Variants in DPY19L4 observed in about 807,000 individuals in gnomAD.
DPY19L4 encodes the protein probable C-mannosyltransferase DPY19L4.
DPY19L4 carries 97 observed loss-of-function variants against 102.8 expected under a neutral mutation model. That is an observed-to-expected ratio of 0.94 (90% CI 0.80 to 1.12). The LOEUF (loss-of-function observed/expected upper bound fraction) is 1.12. DPY19L4 is among the 50% of genes most tolerant of loss of function. DPY19L4 has a pLI of 0.00. For missense variants in DPY19L4, 815 were observed against 850.4 expected, an observed-to-expected ratio of 0.96 and a Z score of 0.52; for synonymous variants, 252 against 283.1, an observed-to-expected ratio of 0.89 and a Z score of 1.10.
At chr8:94,741,842 T>C (rs1464170459) in intron 6 of DPY19L4, among the ~76,000 whole-genome samples, 4 of 152,226 alleles carry the variant, frequency 2.6e-5, no homozygotes, top group Non-Finnish European at 5.9e-5. Context: ...GCAGAAGATT[T>C]GTAAATAGCC....
chr8:94,721,483 A>C (rs757142693), intron 1 of DPY19L4, among the ~76,000 whole-genome samples: 2 of 152,238 alleles, frequency 1.3e-5, no homozygotes, highest in South Asian at 4.1e-4. Context: ...GTTGGTGAGA[A>C]AGAATGTAAT....
At position 94,789,810 on chromosome 8, in the gene DPY19L4, A is replaced by G. The variant is rs74823177; in HGVS notation, c.2072A>G (p.Lys691Arg). 6.2e-7 allele frequency: 1 copy of G among 1,612,340 alleles called. No homozygotes were observed. The highest frequency in any genetic ancestry group is 1.1e-5 in the South Asian group (1 of 90,584). Reference sequence around the variant, plus strand: ...TATGGGCGATTTTGTCATGAGGTCAAAATTAACTATTCTCCATATGTGAAT... The same window carrying G: ...TATGGGCGATTTTGTCATGAGGTCAGAATTAACTATTCTCCATATGTGAAT... The part of the protein sequence containing the change: ...SKYGRFCHEV[K>R]INYSPYVNYF... Residue 691 changes from lysine (K) to arginine (R), a missense_variant, in exon 19 of 19, where the codon AAA (lysine) becomes AGA (arginine). By Grantham distance (26) the Lys-to-Arg change is conservative. Transcript: ENST00000414645.
At position 94,725,758 on chromosome 8, in the gene DPY19L4, C is replaced by T. The variant is rs183801095; in HGVS notation, c.17-573C>T. Among the ~76,000 whole-genome samples the T allele has an allele frequency of 4.1e-3, 628 of 152,284 alleles. 5 individuals carry two copies. Among genetic ancestry groups the T allele is most frequent in the Non-Finnish European group, 6.4e-3 (432 of 68,010 alleles). On this transcript the variant is annotated intron_variant, in intron 1 of 18. Transcript: ENST00000414645. ...TCACGCCATTCTCCTGCCTCAGCCCCCCAAGTAGCTGGGACTACAGGCGCC... is the reference window on the plus strand; with the variant it reads ...TCACGCCATTCTCCTGCCTCAGCCCTCCAAGTAGCTGGGACTACAGGCGCC...
chr8:94,774,579 C>CTTTTTTT (rs1218454912), intron 13 of DPY19L4, among the ~76,000 whole-genome samples: 1 of 132,898 alleles, frequency 7.5e-6, no homozygotes, highest in African/African-American at 2.8e-5. Context: ...CCACTTCTTT[C>CTTTTTTT]TTTTTTTTTT....
At chr8:94,743,326 A>G (rs73267154) in intron 6 of DPY19L4, among the ~76,000 whole-genome samples, 42,280 of 152,004 alleles carry the variant, frequency 0.28, 8,307 homozygotes, top group African/African-American at 0.56. Context: ...CACTGTGTCT[A>G]GCCAATTCTT....
chr8:94,762,827 T>TA (rs912954229), intron 8 of DPY19L4, among the ~76,000 whole-genome samples: 1 of 151,970 alleles, frequency 6.6e-6, no homozygotes, highest in Non-Finnish European at 1.5e-5. Flanking sequence ...ATCCCACCTC[T>TA]AAAAAATTAA....
At position 94,790,048 on chromosome 8, in the gene DPY19L4, T is replaced by G; in HGVS notation, c.*138T>G. On this transcript the variant is annotated 3_prime_UTR_variant, in exon 19 of 19. Transcript: ENST00000414645. ...TTTCCCCCTTCTGCTGTTAACTGGA[T>G]CCAGAGTTCTGTGGGAAATAGAAGA... 1.3e-6 allele frequency: 1 copy of G among 786,036 alleles called. No homozygotes were observed. The highest frequency in any genetic ancestry group is 2.0e-6 in the Non-Finnish European group (1 of 506,534). 48.7% of individuals were successfully genotyped at this position (786,036 alleles called of 1,614,324 possible).
Position 94,791,983 on chromosome 8 carries a change from A to G in DPY19L4, c.*2073A>G, listed in dbSNP as rs897966948. ...TTTTAACTGCAGTTAATAGTACTAG[A>G]CAACTTTAAGTGGAAAGCATTTAGT... is the stretch of plus-strand genomic sequence containing the variant. On this transcript the variant is annotated 3_prime_UTR_variant, in exon 19 of 19. Transcript: ENST00000414645. 2 of 152,190 alleles carry G rather than the reference A, an allele frequency of 1.3e-5. No individual in the cohort carries two copies. Among genetic ancestry groups the G allele is most frequent in the African/African-American group, 4.8e-5 (2 of 41,458 alleles). The allele number at this position is 152,190 out of a possible 1,614,324, so 9.4% of individuals were successfully genotyped here.
At chr8:94,745,445 A>T (rs1056646970) in intron 6 of DPY19L4, among the ~76,000 whole-genome samples, 3 of 152,204 alleles carry the variant, frequency 2.0e-5, no homozygotes, top group Non-Finnish European at 2.9e-5. Flanking sequence ...AAAAGTCTGT[A>T]TTAAATTTAA....
At chr8:94,781,729 T>C (rs1194697680) in intron 16 of DPY19L4, among the ~76,000 whole-genome samples, 1 of 152,200 alleles carries the variant, frequency 6.6e-6, no homozygotes, top group African/African-American at 2.4e-5. Flanking sequence ...AGAAAGAAGA[T>C]GAGAAAGCAG....
chr8:94,780,608 T>G (rs1813386205), intron 15 of DPY19L4, among the ~76,000 whole-genome samples, 193 bp downstream of exon 15: 1 of 152,122 alleles, frequency 6.6e-6, no homozygotes, highest in African/African-American at 2.4e-5. Context: ...GAATGCCACC[T>G]GATGCCATTT....
At position 94,786,424 on chromosome 8, in the gene DPY19L4, C is replaced by CATTTATTT. The variant is rs10576755; in HGVS notation, c.1849-1449_1849-1442dup. On this transcript the variant is annotated intron_variant, in intron 17 of 18. Transcript: ENST00000414645. Reference sequence around the variant, plus strand: ...ACAGGAGTGAGCTACCATGCCCGGCCATTTATTTATTTATTTATTTATTTA... The same window carrying CATTTATTT: ...ACAGGAGTGAGCTACCATGCCCGGCCATTTATTTATTTATTTATTTATTTATTTATTTA... Among the ~76,000 whole-genome samples the CATTTATTT allele has an allele frequency of 4.1e-3, 617 of 149,550 alleles. 3 individuals are homozygous for CATTTATTT. The highest frequency in any genetic ancestry group is 0.015 in the African/African-American group (590 of 40,646).
chr8:94,751,384 C>T (rs541901964), intron 6 of DPY19L4, among the ~76,000 whole-genome samples: 63 of 152,120 alleles, frequency 4.1e-4, no homozygotes, highest in Non-Finnish European at 7.9e-4. Flanking sequence ...TCCCAAAGTG[C>T]TGGCATTATA....
chr8:94,786,141 G>T (rs1586430538), intron 17 of DPY19L4, among the ~76,000 whole-genome samples: 1 of 151,854 alleles, frequency 6.6e-6, no homozygotes, highest in South Asian at 2.1e-4. Flanking sequence ...TTTAATTTTT[G>T]TTGTTGTTGT....
At position 94,789,771 on chromosome 8, in the gene DPY19L4, T is replaced by C. The variant is rs772594103; in HGVS notation, c.2033T>C (p.Leu678Pro). 6 of 1,608,776 alleles carry C rather than the reference T, an allele frequency of 3.7e-6. No homozygotes were observed. The South Asian group carries it at 4.5e-5, about 12-fold the overall frequency. ...GHMVCEEGDK[L>P]TYSKYGRFCH... ...ATGGTTTGTGAAGAAGGTGACAAGC[T>C]AACCTACTCAAAATATGGGCGATTT... is the stretch of plus-strand genomic sequence containing the variant. Residue 678 changes from leucine to proline, a missense_variant, in exon 19 of 19, where the codon CTA becomes CCA. Physicochemically the swap from Leu to Pro is moderately conservative, Grantham distance 98 (BLOSUM62 -3). Transcript: ENST00000414645.
At position 94,761,768 on chromosome 8, in the gene DPY19L4, T is replaced by G. The variant is rs768165082; in HGVS notation, c.804T>G (p.Tyr268Ter). The change falls in exon 8 of 19, where the codon TAT becomes TAG. Residue 268 changes from tyrosine to a stop codon, truncating the protein, a stop_gained. Coordinates refer to ENST00000414645, the MANE Select transcript of DPY19L4 (RefSeq NM_181787.3). LOFTEE classifies it high-confidence loss of function. ...TGATGATGTGGGAGTATAGCCACTATCTCCTGTTTCTTCAAGCAATATCTC... is the reference window on the plus strand; with the variant it reads ...TGATGATGTGGGAGTATAGCCACTAGCTCCTGTTTCTTCAAGCAATATCTC... ...TFMMMWEYSH[Y>*]LLFLQAISLF... 6.2e-6 allele frequency: 10 copies of G among 1,612,336 alleles called. No homozygotes were observed. In the Admixed American group the frequency reaches 1.7e-4, roughly 27 times the overall value.
intron 13 of DPY19L4, among the ~76,000 whole-genome samples, chr8:94,770,887 C>CA (rs899563303): frequency 1.1e-4 from 15 of 136,810 alleles, no homozygotes; most frequent in South Asian, 7.0e-4. Flanking sequence ...AAGACCCCGT[C>CA]AAAAAAAAAA....
chr8:94,722,122 T>TGA (rs2130775554), intron 1 of DPY19L4, among the ~76,000 whole-genome samples: 2 of 114,718 alleles, frequency 1.7e-5, no homozygotes, highest in Middle Eastern at 7.4e-3. Flanking sequence ...AAAAATAAAA[T>TGA]TAAGGCCGGG....
chr8:94,783,882 T>C, intron 17 of DPY19L4, 80 bp downstream of exon 17: 4 of 1,466,602 alleles, frequency 2.7e-6, no homozygotes, highest in Non-Finnish European at 3.7e-6. Context: ...TACATATGCT[T>C]CTAGGTAGCT....
Sources: gnomAD v4.1 joint callset for allele counts (sites outside exome capture counted in the v4.1 genomes callset) on GRCh38, gnomAD v4.1.1 for gene constraint, MANE v1.5 for transcripts, NCBI Gene and HGNC (gene_info 2026-07-23, HGNC 2026-07-21) for gene names.